Variants in FBXO24 observed in about 807,000 individuals in gnomAD.
The protein encoded by FBXO24 is F-box protein 24, also known as F-box only protein 24.
FBXO24 carries 30 observed loss-of-function variants against 63.5 expected under a neutral mutation model. The observed-to-expected ratio is 0.47, with a 90% CI of 0.35 to 0.64. The LOEUF is 0.64. FBXO24 is among the 30% of genes least tolerant of loss of function. The pLI is 0.00. For missense variants in FBXO24, 624 were observed against 763.4 expected (o/e 0.82, Z 2.15); for synonymous variants, 300 against 305.0 (o/e 0.98, Z 0.17).
intron 1 of FBXO24, chr7:100,589,371 C>T (rs1801888235): frequency 2.6e-6 from 3 of 1,141,086 alleles, no homozygotes; most frequent in East Asian, 8.9e-5. Flanking sequence ...AGGAAAACTT[C>T]CTCCTGCTCC....
chr7:100,589,710 G>A (rs202225890), intron 1 of FBXO24: 6 of 1,546,844 alleles, frequency 3.9e-6, no homozygotes, highest in Non-Finnish European at 5.2e-6. Context: ...GAGCAGGGAG[G>A]GGGCAATCAG....
rs1354010443 is a variant in FBXO24, at chr7:100,590,239, C to T, written c.204C>T (p.Tyr68=). The T allele has an allele frequency of 2.5e-6, 4 of 1,614,082 alleles. No homozygotes were observed. The South Asian group carries it at 3.3e-5, about 13-fold the overall frequency. The change falls in exon 3 of 10, where the codon TAC becomes TAT. Residue 68 remains tyrosine (Y), a synonymous_variant. Transcript: ENST00000241071. ...TTGCCCTCGGCCAGACCTGCCGCTA[C>T]TTCCACGAAGTGTGCGATGGGGAAG... ...DLVALGQTCR[Y]FHEVCDGEGV...
chr7:100,587,409 TCTC>T (rs1458601125), intron 1 of FBXO24, among the ~76,000 whole-genome samples: 1 of 148,292 alleles, frequency 6.7e-6, no homozygotes, highest in Non-Finnish European at 1.5e-5. Context: ...TTCAAGCAAT[TCTC>T]CTGCCTCAGC....
chr7:100,590,078 G>A lies in FBXO24; in HGVS notation c.138+3G>A. Reference sequence around the variant, plus strand: ...TCCAGTTGTTCCCCCCAGAGCTGGTGAGTCCTTGGGGAGGGGGATTGAGAA... The same window carrying A: ...TCCAGTTGTTCCCCCCAGAGCTGGTAAGTCCTTGGGGAGGGGGATTGAGAA... On this transcript the variant is annotated splice_donor_region_variant and intron_variant, in intron 2 of 9. Transcript: ENST00000241071. 1 of 1,612,688 alleles carries A rather than the reference G, an allele frequency of 6.2e-7. No homozygotes were observed. Among genetic ancestry groups the A allele is most frequent in the South Asian group, 1.1e-5 (1 of 90,896 alleles).
intron 1 of FBXO24, chr7:100,589,537 C>T: frequency 1.4e-6 from 2 of 1,400,686 alleles, no homozygotes; most frequent in Non-Finnish European, 1.9e-6. Flanking sequence ...GTCACAGTGG[C>T]CAAACAGTGA....
Position 100,600,555 on chromosome 7 carries a change from C to G in FBXO24, c.1399C>G (p.Leu467Val). Residue 467 changes from leucine (L) to valine (V), a missense_variant, in exon 10 of 10, where the codon CTC (leucine) becomes GTC (valine). Physicochemically the swap from Leu to Val is conservative, Grantham distance 32 (BLOSUM62 1). Around this residue, in one of 3 missense-constraint regions of FBXO24, gnomAD observed 216 missense variants for 245.2 expected, o/e 0.88. Transcript: ENST00000241071. The surrounding 1 kb of genome is among the most constrained non-coding windows in gnomAD (Gnocchi z 6.3). ...CAAGGTCCCTCTGTGTGCCTGTGCC[C>G]TCTGTGCCACCAGGGAGTGCCTATA... ...QVKVPLCACA[L>V]CATRECLYIL... The G allele has an allele frequency of 6.4e-7, 1 of 1,574,340 alleles. No homozygotes were observed. Among genetic ancestry groups the G allele is most frequent in the South Asian group, 1.2e-5 (1 of 84,616 alleles).
Position 100,586,453 on chromosome 7 carries a change from A to T in FBXO24, c.-173A>T, listed in dbSNP as rs541030313. 2.9e-6 allele frequency: 2 copies of T among 699,294 alleles called. No individual in the cohort carries two copies. Among genetic ancestry groups the T allele is most frequent in the African/African-American group, 1.8e-5 (1 of 56,512 alleles). The allele number at this position is 699,294 out of a possible 1,614,324, so 43.3% of individuals were successfully genotyped here. A position where few individuals can be genotyped will look rare whatever the true frequency, so the allele number is the denominator to read the frequency against. ...CAAGAGGAGGGGACACCGGCACTCC[A>T]CTAGCAGGAAAACGGGCCGAGGGAC... On this transcript the variant is annotated 5_prime_UTR_variant, in exon 1 of 10. Transcript: ENST00000241071.
At position 100,600,222 on chromosome 7, in the gene FBXO24, GT is replaced by G. The variant is rs1302169357; in HGVS notation, c.1377+22del. 6.6e-7 allele frequency: 1 copy of G among 1,508,780 alleles called. No individual in the cohort carries two copies. Among genetic ancestry groups the G allele is most frequent in the East Asian group, 2.4e-5 (1 of 40,936 alleles). 93.5% of individuals were successfully genotyped at this position (1,508,780 alleles called of 1,614,324 possible). A position where few individuals can be genotyped will look rare whatever the true frequency, so the allele number is the denominator to read the frequency against. On this transcript the variant is annotated intron_variant, in intron 9 of 9. Transcript: ENST00000241071. This position sits in a 1 kb window ranked among gnomAD's most constrained non-coding sequence, Gnocchi z 6.3. ...TCAAGGTCAGAGCGGGGTCAGGAGA[GT>G]GGGCACCCAGGGAGGATGAGAGCCA...
rs932054542 is a variant in FBXO24 at position 100,591,836 on chromosome 7, C to T, written c.492C>T (p.Ser164=). The T allele has an allele frequency of 3.7e-6, 6 of 1,614,102 alleles. No homozygotes were observed. Among genetic ancestry groups the T allele is most frequent in the Non-Finnish European group, 5.1e-6 (6 of 1,180,052 alleles). Reference sequence around the variant, plus strand: ...TCTTCCTCAAAAATGCCCTGGTCTCCACCCTCGGCCAGATGCAGTGGAAGC... The same window carrying T: ...TCTTCCTCAAAAATGCCCTGGTCTCTACCCTCGGCCAGATGCAGTGGAAGC... ...TLFFLKNALV[S]TLGQMQWKRA... The change falls in exon 4 of 10, where the codon TCC becomes TCT. Residue 164 remains serine, a synonymous_variant. Transcript: ENST00000241071.
chr7:100,591,377 A>G (rs2131264206), intron 3 of FBXO24, among the ~76,000 whole-genome samples: 1 of 152,228 alleles, frequency 6.6e-6, no homozygotes, highest in Middle Eastern at 3.4e-3. Context: ...CTGTGTCTTT[A>G]TTCTTAGAGT....
rs759483658 is a variant in FBXO24 at position 100,591,709 on chromosome 7, G to A, written c.365G>A (p.Arg122Gln). ...TTCCAGGCATTTGGAGGCCGCCGCC[G>A]ATGTCTCAGCAAGAGCGTGGCCCCC... ...LYFQAFGGRR[R>Q]CLSKSVAPLL... Residue 122 changes from arginine to glutamine, a missense_variant, in exon 4 of 10, where the codon CGA becomes CAA. Arg to Gln is a conservative substitution (Grantham distance 43, BLOSUM62 1). Around this residue, in one of 3 missense-constraint regions of FBXO24, gnomAD observed 391 missense variants for 469.1 expected, o/e 0.83. Transcript: ENST00000241071. 4.3e-6 allele frequency: 7 copies of A among 1,614,040 alleles called. No homozygotes were observed. Among genetic ancestry groups the A allele is most frequent in the Middle Eastern group, 1.6e-4 (1 of 6,084 alleles).
chr7:100,593,797 CAAAAA>C (rs900435798), intron 5 of FBXO24, among the ~76,000 whole-genome samples: 2 of 56,586 alleles, frequency 3.5e-5, no homozygotes, highest in African/African-American at 1.2e-4. Flanking sequence ...ACTCCATCTC[CAAAAA>C]AAAAAAAAAA....
At chr7:100,587,663 A>G (rs1316792061) in intron 1 of FBXO24, among the ~76,000 whole-genome samples, 10 of 133,214 alleles carry the variant, frequency 7.5e-5, no homozygotes, top group Non-Finnish European at 1.4e-4. Context: ...GCAGTGGTGC[A>G]GTCATGGCTC....
At chr7:100,589,377 G>A in intron 1 of FBXO24, 1 of 1,153,636 alleles carries the variant, frequency 8.7e-7, no homozygotes, top group East Asian at 4.2e-5. Context: ...ACTTCCTCCT[G>A]CTCCCTGAAA....
At chr7:100,599,808 G>A (rs1802498300) in intron 8 of FBXO24, 3 of 551,972 alleles carry the variant, frequency 5.4e-6, no homozygotes, top group Non-Finnish European at 9.7e-6. Flanking sequence ...ATTTTCTGGG[G>A]GCATAGATGA....
chr7:100,590,846 C>T (rs1428767728), intron 3 of FBXO24, among the ~76,000 whole-genome samples: 2 of 152,050 alleles, frequency 1.3e-5, no homozygotes, highest in African/African-American at 2.4e-5. Context: ...GAGAACCATG[C>T]CATAAACCCT....
rs1321077517 is a variant in FBXO24 at position 100,595,542 on chromosome 7, G to A, written c.1075-33G>A. 4 of 1,545,630 alleles carry A rather than the reference G, an allele frequency of 2.6e-6. No homozygotes were observed. The South Asian group carries it at 5.0e-5, about 19-fold the overall frequency. ...ACTCAGAGTTCCTCTGGAGGGAATGGAATCCCTATCCCCTTTCTATCTTGC... is the reference window on the plus strand; with the variant it reads ...ACTCAGAGTTCCTCTGGAGGGAATGAAATCCCTATCCCCTTTCTATCTTGC... On this transcript the variant is annotated intron_variant, in intron 7 of 9. Coordinates refer to ENST00000241071, the MANE Select transcript of FBXO24 (RefSeq NM_033506.3).
Position 100,586,504 on chromosome 7 carries a change from G to C in FBXO24, c.-122G>C. On this transcript the variant is annotated 5_prime_UTR_variant, in exon 1 of 10. Coordinates refer to ENST00000241071, the MANE Select transcript of FBXO24 (RefSeq NM_033506.3). ...CGCAAGCAGGGGGTGCCTAGTCCTC[G>C]TCCCCCAAAGACCAATCGTAAGCCA... is the stretch of plus-strand genomic sequence containing the variant. 2.9e-6 allele frequency: 3 copies of C among 1,047,882 alleles called. No individual in the cohort carries two copies. Among genetic ancestry groups the C allele is most frequent in the Non-Finnish European group, 4.4e-6 (3 of 684,204 alleles). The allele number at this position is 1,047,882 out of a possible 1,614,324, so 64.9% of individuals were successfully genotyped here. A position where few individuals can be genotyped will look rare whatever the true frequency, so the allele number is the denominator to read the frequency against.
intron 5 of FBXO24, among the ~76,000 whole-genome samples, chr7:100,593,842 G>T (rs1308172232): frequency 6.7e-6 from 1 of 148,672 alleles, no homozygotes; most frequent in African/African-American, 2.5e-5. Context: ...CAGCTTCCAT[G>T]CCAACCACCT....
Sources: allele counts gnomAD v4.1 joint callset (sites outside exome capture counted in the v4.1 genomes callset), GRCh38; gene constraint gnomAD v4.1.1; regional missense constraint gnomAD v4.1.1; non-coding constraint Gnocchi (gnomAD v3.1); transcripts MANE v1.5; gene names NCBI Gene and HGNC (gene_info 2026-07-23, HGNC 2026-07-21).